MKLN1: variants seen among roughly 807,000 people sequenced by gnomAD.
The protein encoded by MKLN1 is muskelin.
A neutral mutation model predicts 99.0 loss-of-function variants in MKLN1; 18 were observed. That is an observed-to-expected ratio of 0.18 (90% CI 0.13 to 0.27). The LOEUF (loss-of-function observed/expected upper bound fraction) is 0.27, where lower values mean the gene tolerates loss of function less well. MKLN1 is among the 10% of genes least tolerant of loss of function. The probability of loss-of-function intolerance (pLI) is 1.00; values close to 1 mark genes in which losing one functional copy is unlikely to be tolerated. For synonymous variants in MKLN1, 288 were observed against 293.2 expected (o/e 0.98, Z 0.18); for missense variants, 621 against 875.9 (o/e 0.71, Z 3.67).
intron 12 of MKLN1, among the ~76,000 whole-genome samples, chr7:131,446,901 G>A (rs1458972567): frequency 2.0e-5 from 3 of 152,154 alleles, no homozygotes; most frequent in Non-Finnish European, 4.4e-5. Context: ...GCAAGACCCT[G>A]TCTCTACAAA....
At chr7:131,326,341 A>G (rs1798889640), upstream of MKLN1, among the ~76,000 whole-genome samples, 1 of 151,944 alleles carries the variant, frequency 6.6e-6, no homozygotes, top group Non-Finnish European at 1.5e-5. Context: ...TTTTTATTTT[A>G]TTGTATTTTA....
At chr7:131,474,911 A>C (rs1796923850) in intron 16 of MKLN1, among the ~76,000 whole-genome samples, 1 of 152,206 alleles carries the variant, frequency 6.6e-6, no homozygotes, top group South Asian at 2.1e-4. Flanking sequence ...CAGAAGGTGA[A>C]GGGCAAGCAA....
intron 15 of MKLN1, among the ~76,000 whole-genome samples, chr7:131,470,423 C>T (rs763353049): frequency 3.9e-5 from 6 of 152,128 alleles, no homozygotes; most frequent in Non-Finnish European, 7.4e-5. Context: ...TAAGCATCTC[C>T]ATTAGAAAAT....
chr7:131,321,853 C>T (rs913752109), intron 3 of MKLN1, among the ~76,000 whole-genome samples: 1 of 152,204 alleles, frequency 6.6e-6, no homozygotes, highest in African/African-American at 2.4e-5. Context: ...GGAAGTTTCA[C>T]TAGCCACAAG....
intron 3 of MKLN1, among the ~76,000 whole-genome samples, chr7:131,254,356 T>C (rs1466128928): frequency 6.6e-6 from 1 of 152,174 alleles, no homozygotes; most frequent in Non-Finnish European, 1.5e-5. Context: ...TGTCCAGTTT[T>C]CAACAACAAC....
At chr7:131,306,051 G>C (rs1260870077) in intron 3 of MKLN1, among the ~76,000 whole-genome samples, 1 of 152,150 alleles carries the variant, frequency 6.6e-6, no homozygotes, top group Non-Finnish European at 1.5e-5. Context: ...GTTCTCAGGA[G>C]AGCTGATGGT....
In MKLN1 at chr7:131,495,760, A is replaced by G. The variant is rs948983038; in HGVS notation, c.*8032A>G. 3 of 152,184 alleles carry G rather than the reference A, an allele frequency of 2.0e-5. No individual in the cohort carries two copies. The highest frequency in any genetic ancestry group is 7.2e-5 in the African/African-American group (3 of 41,452). The allele number at this position is 152,184 out of a possible 1,614,324, so 9.4% of individuals were successfully genotyped here. A position where few individuals can be genotyped will look rare whatever the true frequency, so the allele number is the denominator to read the frequency against. The stretch of plus-strand genomic sequence containing the variant: ...GTGTTGATAGGTCTGTTTAAGCCTG[A>G]ACTCTGGGTGTAAAATGTTATCCAG... On this transcript the variant is annotated 3_prime_UTR_variant, in exon 18 of 18. Coordinates refer to ENST00000352689, the MANE Select transcript of MKLN1 (RefSeq NM_013255.5).
intron 3 of MKLN1, among the ~76,000 whole-genome samples, chr7:131,221,744 C>T (rs1797063639): frequency 6.7e-6 from 1 of 149,442 alleles, no homozygotes; most frequent in Non-Finnish European, 1.5e-5. Flanking sequence ...TGGTCTCGAG[C>T]TCCTGACCTT....
At chr7:131,363,513 A>T (rs1470503234) in intron 1 of MKLN1, among the ~76,000 whole-genome samples, 1 of 152,106 alleles carries the variant, frequency 6.6e-6, no homozygotes, top group Admixed American at 6.6e-5. Context: ...CTTAGAGTGT[A>T]GAATCTGCCT....
chr7:131,431,825 G>T (rs1329647959), intron 9 of MKLN1, among the ~76,000 whole-genome samples: 1 of 152,114 alleles, frequency 6.6e-6, no homozygotes, highest in Non-Finnish European at 1.5e-5. Flanking sequence ...TCTCCCATGT[G>T]CCAGTTAAAG....
chr7:131,275,932 A>C (rs542812051), intron 3 of MKLN1, among the ~76,000 whole-genome samples: 1 of 152,260 alleles, frequency 6.6e-6, no homozygotes, highest in East Asian at 1.9e-4. Context: ...CCATGCTGGG[A>C]TAGGGAGGTT....
chr7:131,235,172 T>TTC (rs1797300853), intron 3 of MKLN1, among the ~76,000 whole-genome samples: 1 of 152,082 alleles, frequency 6.6e-6, no homozygotes. Flanking sequence ...ATCTCAATCA[T>TTC]TCTCTCTCTT....
intron 17 of MKLN1, among the ~76,000 whole-genome samples, chr7:131,486,937 C>T (rs986398700): frequency 3.3e-5 from 5 of 152,070 alleles, no homozygotes. Flanking sequence ...AAAAGTAGTT[C>T]ATTGCCTTAT....
chr7:131,481,502 A>G (rs948621974), intron 17 of MKLN1, among the ~76,000 whole-genome samples: 5 of 152,162 alleles, frequency 3.3e-5, no homozygotes, highest in African/African-American at 1.2e-4. Context: ...CGAGAGTTCA[A>G]GATTAACCAG....
At chr7:131,416,038 C>T (rs115078567) in intron 8 of MKLN1, among the ~76,000 whole-genome samples, 56 of 151,994 alleles carry the variant, frequency 3.7e-4, no homozygotes, top group Non-Finnish European at 5.6e-4. Context: ...TCAAGCAGTC[C>T]GCCTGCTGCA....
At chr7:131,485,078 A>C (rs910559927) in intron 17 of MKLN1, among the ~76,000 whole-genome samples, 1 of 152,118 alleles carries the variant, frequency 6.6e-6, no homozygotes, top group African/African-American at 2.4e-5. Context: ...TAATAGTCAC[A>C]GCTAAAAGAA....
At chr7:131,381,789 C>A (rs1202330835) in intron 2 of MKLN1, among the ~76,000 whole-genome samples, 1 of 151,086 alleles carries the variant, frequency 6.6e-6, no homozygotes, top group African/African-American at 2.5e-5. Context: ...TCATCTCCTT[C>A]TCTCTAGTAA....
At chr7:131,205,067 C>T (rs1424907738) in intron 3 of MKLN1, among the ~76,000 whole-genome samples, 2 of 151,066 alleles carry the variant, frequency 1.3e-5, no homozygotes, top group South Asian at 2.1e-4. Context: ...CACTGCACTC[C>T]AGCCTGGGCA....
chr7:131,416,979 CAAAA>C (rs374145180), intron 8 of MKLN1, among the ~76,000 whole-genome samples: 12 of 49,564 alleles, frequency 2.4e-4, no homozygotes, highest in Non-Finnish European at 4.9e-4. Context: ...GCAACCCTGT[CAAAA>C]AAAAAAAAAA....
Sources: allele counts gnomAD v4.1 joint callset (sites outside exome capture counted in the v4.1 genomes callset), GRCh38; gene constraint gnomAD v4.1.1; transcripts MANE v1.5; gene names NCBI Gene and HGNC (gene_info 2026-07-23, HGNC 2026-07-21).